SUGCT: variants seen among roughly 807,000 people sequenced by gnomAD.
SUGCT encodes the protein succinyl-CoA:glutarate-CoA transferase, also known as succinyl-CoA:glutarate CoA-transferase.
In SUGCT, 41 loss-of-function variants were observed where a neutral mutation model predicts 55.0. The observed-to-expected ratio is 0.74, with a 90% CI of 0.58 to 0.97. The LOEUF (loss-of-function observed/expected upper bound fraction) is 0.97. SUGCT is among the 50% of genes least tolerant of loss of function. The pLI is 0.00. For synonymous variants in SUGCT, 187 were observed against 200.4 expected, an observed-to-expected ratio of 0.93 and a Z score of 0.56; for missense variants, 568 against 547.8, an observed-to-expected ratio of 1.04 and a Z score of -0.37.
chr7:40,601,241 G>A (rs1798274576), intron 12 of SUGCT, among the ~76,000 whole-genome samples: 2 of 152,024 alleles, frequency 1.3e-5, no homozygotes, highest in South Asian at 4.2e-4. Context: ...TTGGCATTGG[G>A]GTGTACAATC....
chr7:40,219,325 G>C (rs1034047291), intron 6 of SUGCT, among the ~76,000 whole-genome samples: 8 of 152,182 alleles, frequency 5.3e-5, no homozygotes, highest in Non-Finnish European at 4.4e-5. Flanking sequence ...GTGAGACCAA[G>C]AACCCACCAA....
At chr7:40,550,299 T>A (rs1190975605) in intron 12 of SUGCT, among the ~76,000 whole-genome samples, 1 of 152,220 alleles carries the variant, frequency 6.6e-6, no homozygotes, top group African/African-American at 2.4e-5. Context: ...TCTCTTCGTA[T>A]AGGGAAGGAC....
chr7:40,334,154 A>AT (rs1283036303), intron 9 of SUGCT, among the ~76,000 whole-genome samples: 1 of 152,138 alleles, frequency 6.6e-6, no homozygotes, highest in African/African-American at 2.4e-5. Flanking sequence ...TCTATCATTG[A>AT]TGGACCTTTG....
chr7:40,777,746 C>G (rs991467624), intron 13 of SUGCT, among the ~76,000 whole-genome samples: 1 of 151,908 alleles, frequency 6.6e-6, no homozygotes, highest in Non-Finnish European at 1.5e-5. Context: ...TCAAGGCATT[C>G]TTGGTTACCA....
the SUGCT span, among the ~76,000 whole-genome samples, chr7:40,888,437 G>A: frequency 6.7e-6 from 1 of 149,512 alleles, no homozygotes; most frequent in African/African-American, 2.5e-5. Flanking sequence ...GCGACAGAGT[G>A]AGACTCCATC....
chr7:40,483,717 A>AACAGGAC (rs1177537688), intron 11 of SUGCT, among the ~76,000 whole-genome samples: 34 of 152,216 alleles, frequency 2.2e-4, no homozygotes, highest in African/African-American at 8.2e-4. Context: ...AAAAGAATAA[A>AACAGGAC]ACAGGACAAC....
At chr7:40,467,997 C>T (rs192298983) in intron 11 of SUGCT, among the ~76,000 whole-genome samples, 1 of 147,342 alleles carries the variant, frequency 6.8e-6, no homozygotes, top group Non-Finnish European at 1.5e-5. Context: ...TAAAAGAGTA[C>T]CTTAATAGCC....
intron 6 of SUGCT, among the ~76,000 whole-genome samples, chr7:40,222,749 G>C (rs1788086039): frequency 6.6e-6 from 1 of 152,086 alleles, no homozygotes; most frequent in Non-Finnish European, 1.5e-5. Context: ...GCTGAGGCAG[G>C]AGAATTGCTT....
At chr7:41,023,130 C>G in the SUGCT span, among the ~76,000 whole-genome samples, 3 of 152,280 alleles carry the variant, frequency 2.0e-5, no homozygotes, top group South Asian at 6.2e-4. Context: ...CAGGTTTTCT[C>G]TTTCTGCTAC....
In SUGCT at chr7:40,268,214, C is replaced by CT. The variant is rs1226019207; in HGVS notation, c.577-6299_577-6298insT. On this transcript the variant is annotated intron_variant, in intron 7 of 13. Coordinates refer to ENST00000335693, the MANE Select transcript of SUGCT (RefSeq NM_001193313.2). ...ACAACAGTCAATTTTAGAACATTTT[C>CT]ATCACCCCATAAAGAAACCTCTTAC... 3.1e-4 allele frequency among the ~76,000 whole-genome samples: 47 copies of CT among 152,252 alleles called. No individual in the cohort carries two copies. The East Asian group carries it at 8.1e-3, about 26-fold the overall frequency.
At chr7:40,304,432 T>C (rs1794726550) in intron 8 of SUGCT, among the ~76,000 whole-genome samples, 1 of 151,644 alleles carries the variant, frequency 6.6e-6, no homozygotes, top group Non-Finnish European at 1.5e-5. Context: ...TTTTCATATT[T>C]AAATTTTTTA....
At chr7:40,308,780 CAGGTGG>C (rs1442478995) in intron 8 of SUGCT, among the ~76,000 whole-genome samples, 3 of 152,174 alleles carry the variant, frequency 2.0e-5, no homozygotes, top group African/African-American at 7.2e-5. Flanking sequence ...GAGGCCCAGG[CAGGTGG>C]ATCACTTGAG....
chr7:40,563,032 G>A (rs1225557655), intron 12 of SUGCT, among the ~76,000 whole-genome samples: 1 of 152,050 alleles, frequency 6.6e-6, no homozygotes, highest in South Asian at 2.1e-4. Context: ...AAGGGAGCGG[G>A]GTTGAACTCC....
chr7:40,753,521 A>G (rs915245830), intron 13 of SUGCT, among the ~76,000 whole-genome samples: 1 of 152,194 alleles, frequency 6.6e-6, no homozygotes, highest in East Asian at 1.9e-4. Flanking sequence ...TAGCATTACC[A>G]GCTTATTACC....
At chr7:40,646,700 C>G (rs1800532867) in intron 12 of SUGCT, among the ~76,000 whole-genome samples, 1 of 152,202 alleles carries the variant, frequency 6.6e-6, no homozygotes, top group Admixed American at 6.5e-5. Context: ...CACAAACAGG[C>G]CTTCCCCAAC....
chr7:40,259,928 T>C (rs1285998831), intron 7 of SUGCT, among the ~76,000 whole-genome samples: 1 of 152,238 alleles, frequency 6.6e-6, no homozygotes. Context: ...AGTGGATCTC[T>C]TCACTATGTC....
chr7:40,353,818 C>T (rs1797757916), intron 9 of SUGCT, among the ~76,000 whole-genome samples: 1 of 152,056 alleles, frequency 6.6e-6, no homozygotes, highest in South Asian at 2.1e-4. Context: ...TTTTTTTCCA[C>T]TTGTCACTTA....
intron 8 of SUGCT, among the ~76,000 whole-genome samples, chr7:40,290,745 C>A (rs1327193473): frequency 6.6e-6 from 1 of 152,104 alleles, no homozygotes; most frequent in African/African-American, 2.4e-5. Flanking sequence ...AAAATTTTCT[C>A]AACCTACTCA....
At chr7:40,561,794 C>A (rs577307413) in intron 12 of SUGCT, among the ~76,000 whole-genome samples, 1 of 147,578 alleles carries the variant, frequency 6.8e-6, no homozygotes, top group Non-Finnish European at 1.5e-5. Context: ...CAGGTTCAAG[C>A]GATTCTCCTG....
Sources: allele counts gnomAD v4.1 joint callset (sites outside exome capture counted in the v4.1 genomes callset), GRCh38; gene constraint gnomAD v4.1.1; transcripts MANE v1.5; gene names NCBI Gene and HGNC (gene_info 2026-07-23, HGNC 2026-07-21).